CDKAL1: variants seen among roughly 807,000 people sequenced by gnomAD.
CDKAL1 encodes the protein threonylcarbamoyladenosine tRNA methylthiotransferase.
A neutral mutation model predicts 68.2 loss-of-function variants in CDKAL1; 32 were observed. The observed-to-expected ratio is 0.47, with a 90% CI of 0.35 to 0.63. The LOEUF is 0.63. Among genes scored for constraint, CDKAL1 ranks in the 30% least tolerant of loss-of-function variants. The pLI is 0.00. For synonymous variants in CDKAL1, 234 were observed against 244.3 expected (o/e 0.96, Z 0.39); for missense variants, 606 against 696.7 (o/e 0.87, Z 1.47).
intron 10 of CDKAL1, among the ~76,000 whole-genome samples, chr6:20,961,172 A>G (rs1202656785): frequency 6.6e-6 from 1 of 152,192 alleles, no homozygotes; most frequent in East Asian, 1.9e-4. Flanking sequence ...CACAATCACA[A>G]AGACATGGAG....
In CDKAL1 at chr6:20,576,430, T is replaced by A. The variant is rs138234800; in HGVS notation, c.286+27725T>A. Among the ~76,000 whole-genome samples the A allele has an allele frequency of 3.2e-3, 484 of 152,318 alleles. 5 individuals are homozygous for A. The highest frequency in any genetic ancestry group is 0.011 in the African/African-American group (448 of 41,584). On this transcript the variant is annotated intron_variant, in intron 4 of 15. Coordinates refer to ENST00000274695, the MANE Select transcript of CDKAL1 (RefSeq NM_017774.3). ...TCCTGGATATGGAATAGGAGAACAA[T>A]TGGTGTTTCATCATTACTGAAAATT...
chr6:20,536,419 TGATGTGA>T (rs1763174919), intron 2 of CDKAL1, among the ~76,000 whole-genome samples: 1 of 152,222 alleles, frequency 6.6e-6, no homozygotes. Flanking sequence ...TTTTTGTATA[TGATGTGA>T]AATGTGAAAT....
At chr6:20,845,456 A>C (rs1268644370) in intron 8 of CDKAL1, among the ~76,000 whole-genome samples, 1 of 152,042 alleles carries the variant, frequency 6.6e-6, no homozygotes, top group Non-Finnish European at 1.5e-5. Context: ...TAATTTTTTA[A>C]AGCTAGTATT....
intron 13 of CDKAL1, among the ~76,000 whole-genome samples, chr6:21,185,433 G>T (rs1217370884): frequency 6.6e-6 from 1 of 152,126 alleles, no homozygotes; most frequent in Non-Finnish European, 1.5e-5. Context: ...CACCCTGGAA[G>T]AATTTTTAAA....
intron 13 of CDKAL1, among the ~76,000 whole-genome samples, chr6:21,134,562 T>C (rs1391614140): frequency 2.0e-5 from 3 of 152,200 alleles, no homozygotes; most frequent in Non-Finnish European, 4.4e-5. Flanking sequence ...AGATTAATGC[T>C]TGCGTGCTGC....
intron 5 of CDKAL1, among the ~76,000 whole-genome samples, chr6:20,728,743 A>G (rs144001717): frequency 6.8e-4 from 103 of 152,310 alleles, no homozygotes; most frequent in Middle Eastern, 3.4e-3. Flanking sequence ...ATGTACTCCG[A>G]TTATCTGAGG....
chr6:20,781,305 A>C, intron 8 of CDKAL1, 40 bp downstream of exon 8: 1 of 1,532,446 alleles, frequency 6.5e-7, no homozygotes, highest in South Asian at 1.2e-5. Context: ...TATTCAATAT[A>C]TTTCATGAAT....
At chr6:20,774,728 C>A (rs1775101236) in intron 7 of CDKAL1, among the ~76,000 whole-genome samples, 1 of 152,160 alleles carries the variant, frequency 6.6e-6, no homozygotes, top group African/African-American at 2.4e-5. Context: ...TGAATTGTAT[C>A]AAAAGCTAGC....
chr6:21,165,089 T>C (rs1468832621), intron 13 of CDKAL1, among the ~76,000 whole-genome samples: 1 of 152,254 alleles, frequency 6.6e-6, no homozygotes. Flanking sequence ...GGCCAAAGCC[T>C]TGTGGCAAAG....
intron 11 of CDKAL1, among the ~76,000 whole-genome samples, chr6:21,016,339 T>C (rs772062787): frequency 2.6e-5 from 4 of 151,996 alleles, no homozygotes; most frequent in African/African-American, 2.4e-5. Context: ...CTACTGTACT[T>C]CACTCTTCCT....
chr6:21,092,536 T>C (rs1454562094), intron 12 of CDKAL1, among the ~76,000 whole-genome samples: 2 of 152,036 alleles, frequency 1.3e-5, no homozygotes, highest in Non-Finnish European at 2.9e-5. Context: ...TCTGTTCCTG[T>C]TTTAATTTGC....
intron 10 of CDKAL1, among the ~76,000 whole-genome samples, chr6:20,969,319 A>G (rs9348452): frequency 0.21 from 32,186 of 152,102 alleles, 3,544 homozygotes; most frequent in Admixed American, 0.27. Flanking sequence ...AGGAAAGAAA[A>G]TGTTATTAAG....
intron 11 of CDKAL1, among the ~76,000 whole-genome samples, chr6:21,024,827 T>C (rs1261578083): frequency 3.3e-5 from 5 of 152,126 alleles, no homozygotes; most frequent in Non-Finnish European, 7.3e-5. Flanking sequence ...TCTTCCTCAC[T>C]GTAAGTGAGA....
At position 20,738,663 on chromosome 6, in the gene CDKAL1, T is replaced by A. The variant is rs897713934; in HGVS notation, c.372-856T>A. Among the ~76,000 whole-genome samples the A allele has an allele frequency of 5.3e-5, 8 of 151,968 alleles. 1 individual carries two copies. The highest frequency in any genetic ancestry group is 4.4e-5 in the Non-Finnish European group (3 of 68,002). The stretch of plus-strand genomic sequence containing the variant: ...ACAGACACGCCCCACCATGCCTGGC[T>A]AATTTGTTTATTTTTAGTAGAGACA... On this transcript the variant is annotated intron_variant, in intron 5 of 15. Transcript: ENST00000274695.
intron 4 of CDKAL1, among the ~76,000 whole-genome samples, chr6:20,583,749 A>G (rs1765228859): frequency 6.6e-6 from 1 of 151,462 alleles, no homozygotes; most frequent in Non-Finnish European, 1.5e-5. Flanking sequence ...GTATTGCATT[A>G]TCTTATCTCA....
intron 4 of CDKAL1, among the ~76,000 whole-genome samples, chr6:20,590,256 T>C (rs547167172): frequency 4.1e-4 from 62 of 152,320 alleles, no homozygotes; most frequent in Middle Eastern, 3.4e-3. Flanking sequence ...TATTATGTTG[T>C]ATCTAATAAG....
At chr6:20,829,213 T>G (rs1204562447) in intron 8 of CDKAL1, among the ~76,000 whole-genome samples, 1 of 152,214 alleles carries the variant, frequency 6.6e-6, no homozygotes, top group African/African-American at 2.4e-5. Flanking sequence ...ATTGAGGGAT[T>G]TAACCAGAGA....
Position 21,223,006 on chromosome 6 carries a change from C to T in CDKAL1, c.1549-7842C>T, listed in dbSNP as rs1779593059. ...ACAGGTCACAATTACAAATTCGCAA[C>T]GTGGCTCAGAACTGCAAGACAGGTA... On this transcript the variant is annotated intron_variant, in intron 15 of 15. Coordinates refer to ENST00000274695, the MANE Select transcript of CDKAL1 (RefSeq NM_017774.3). 2.0e-5 allele frequency among the ~76,000 whole-genome samples: 3 copies of T among 152,186 alleles called. 1 individual carries two copies. The highest frequency in any genetic ancestry group is 2.4e-5 in the African/African-American group (1 of 41,520).
chr6:20,653,742 G>A (rs534029589), intron 5 of CDKAL1, among the ~76,000 whole-genome samples: 6 of 152,006 alleles, frequency 3.9e-5, no homozygotes, highest in Non-Finnish European at 7.4e-5. Context: ...AGCCTCTCGA[G>A]TAGGTGGGAT....
Sources: gnomAD v4.1 joint callset for allele counts (sites outside exome capture counted in the v4.1 genomes callset) on GRCh38, gnomAD v4.1.1 for gene constraint, MANE v1.5 for transcripts, NCBI Gene and HGNC (gene_info 2026-07-23, HGNC 2026-07-21) for gene names.